Variants in GPCPD1 observed in about 807,000 individuals in gnomAD.
GPCPD1 encodes the protein glycerophosphocholine phosphodiesterase GPCPD1.
Under a neutral mutation model 89.2 loss-of-function variants are expected in GPCPD1, and 29 were observed. The observed-to-expected ratio is 0.33, with a 90% CI of 0.24 to 0.44. The LOEUF (loss-of-function observed/expected upper bound fraction) is 0.44. GPCPD1 is among the 20% of genes least tolerant of loss of function. The pLI is 1.00. For synonymous variants in GPCPD1, 258 were observed against 266.3 expected (o/e 0.97, Z 0.30); for missense variants, 594 against 808.9 (o/e 0.73, Z 3.22).
At position 5,583,606 on chromosome 20, in the gene GPCPD1, A is replaced by G. The variant is rs114331666; in HGVS notation, c.349+675T>C. Among the ~76,000 whole-genome samples, 298 of 152,302 alleles carry G rather than the reference A, an allele frequency of 2.0e-3. 3 individuals are homozygous for G. The highest frequency in any genetic ancestry group is 6.8e-3 in the African/African-American group (282 of 41,552). On this transcript the variant is annotated intron_variant, in intron 6 of 19. Transcript: ENST00000379019. ...TATTTACTAAAACAGAAAGTACACA[A>G]ATAACATTTTCAACATATTCAGAAG...
chr20:5,547,650 T>C lies in GPCPD1; in HGVS notation c.*11A>G, dbSNP rs1367739641. The stretch of plus-strand genomic sequence containing the variant: ...GTGCACGCCCCCAAAATGACCTCTG[T>C]GCAATAAAAACTAAGCATTCTCCAC... On this transcript the variant is annotated 3_prime_UTR_variant, in exon 20 of 20. Transcript: ENST00000379019. 1.1e-5 allele frequency: 17 copies of C among 1,516,114 alleles called. No individual in the cohort carries two copies. The highest frequency in any genetic ancestry group is 1.6e-5 in the Non-Finnish European group (17 of 1,096,092). 93.9% of individuals were successfully genotyped at this position (1,516,114 alleles called of 1,614,324 possible). A position where few individuals can be genotyped will look rare whatever the true frequency, so the allele number is the denominator to read the frequency against.
chr20:5,554,440 G>A (rs771268286), intron 19 of GPCPD1, among the ~76,000 whole-genome samples: 11 of 152,154 alleles, frequency 7.2e-5, no homozygotes, highest in African/African-American at 2.7e-4. Flanking sequence ...ATGAGTTTAA[G>A]TTGAAGCCAA....
chr20:5,590,368 C>T (rs1365276853), intron 4 of GPCPD1, among the ~76,000 whole-genome samples: 1 of 151,662 alleles, frequency 6.6e-6, no homozygotes, highest in Admixed American at 6.6e-5. Context: ...CGGCAAAACC[C>T]TGTCTCTACT....
Position 5,580,033 on chromosome 20 carries a change from T to G in GPCPD1, c.448A>C (p.Lys150Gln). 6.5e-7 allele frequency: 1 copy of G among 1,535,484 alleles called. No homozygotes were observed. The highest frequency in any genetic ancestry group is 1.1e-5 in the South Asian group (1 of 88,100). Residue 150 changes from lysine to glutamine, a missense_variant, in exon 7 of 20, where the codon AAA becomes CAA. Transcript: ENST00000379019. ...CTAAATCTAGATTTTTTTAATTTTT[T>G]CTTGGTTATTGACACAGGAGGTTTT... ...SEKPPVSITK[K>Q]KLKKSRFRVK...
At chr20:5,605,448 G>T (rs533359078) in intron 1 of GPCPD1, among the ~76,000 whole-genome samples, 3 of 152,102 alleles carry the variant, frequency 2.0e-5, no homozygotes, top group African/African-American at 7.2e-5. Context: ...TTGAGAATCT[G>T]CTTCTAAGAC....
chr20:5,578,440 T>C lies in GPCPD1; in HGVS notation c.645A>G (p.Thr215=), dbSNP rs1397858858. The change falls in exon 8 of 20, where the codon ACA becomes ACG. Residue 215 remains threonine (T), a synonymous_variant. Transcript: ENST00000379019. ...CGYGLQPDRW[T]EYSIQTMEPD... ...GTTCCATCGTCTGTATGCTGTACTC[T>C]GTCCAACGATCAGGCTGCAAGCCAT... is the stretch of plus-strand genomic sequence containing the variant. 1 of 1,614,124 alleles carries C rather than the reference T, an allele frequency of 6.2e-7. No individual in the cohort carries two copies. The highest frequency in any genetic ancestry group is 8.5e-7 in the Non-Finnish European group (1 of 1,179,910).
At chr20:5,601,595 C>T (rs977775819) in intron 2 of GPCPD1, among the ~76,000 whole-genome samples, 2 of 152,022 alleles carry the variant, frequency 1.3e-5, no homozygotes, top group Non-Finnish European at 2.9e-5. Flanking sequence ...TCTCAAACTC[C>T]TGACCTCAGA....
At position 5,594,568 on chromosome 20, in the gene GPCPD1, A is replaced by C. The variant is rs925278160; in HGVS notation, c.147-1157T>G. On this transcript the variant is annotated intron_variant, in intron 3 of 19. Transcript: ENST00000379019. ...CGGCCTCCCAAAGTGCTGGGATTAC[A>C]GGCATGAGCCACCAGGCCCGGCCGC... Among the ~76,000 whole-genome samples the C allele has an allele frequency of 2.6e-5, 4 of 151,968 alleles. No individual in the cohort carries two copies. In the East Asian group the frequency reaches 7.8e-4, roughly 30 times the overall value.
chr20:5,550,254 G>A (rs1985313418), intron 19 of GPCPD1, among the ~76,000 whole-genome samples: 1 of 102,262 alleles, frequency 9.8e-6, no homozygotes, highest in South Asian at 3.4e-4. Context: ...TGAGTAGAAA[G>A]TAAGATTGAG....
intron 16 of GPCPD1, 60 bp downstream of exon 16, chr20:5,561,405 G>T: frequency 1.1e-6 from 1 of 898,588 alleles, no homozygotes. Flanking sequence ...AGACAGGAAT[G>T]AAAGAATTTT....
intron 2 of GPCPD1, among the ~76,000 whole-genome samples, chr20:5,599,220 A>G (rs1979952692): frequency 6.6e-6 from 1 of 152,184 alleles, no homozygotes; most frequent in African/African-American, 2.4e-5. Context: ...ATTTTCTAGA[A>G]AGTCAAACAG....
rs1255376263 is a variant in GPCPD1, at chr20:5,607,443, T to C, written c.-28-3003A>G. Among the ~76,000 whole-genome samples, 3 of 152,026 alleles carry C rather than the reference T, an allele frequency of 2.0e-5. No individual in the cohort carries two copies. The East Asian group carries it at 5.8e-4, about 29-fold the overall frequency. ...AACTACAAAAATTAGCTGGGCATGATGGCACGTGCCTGTAGTCCCAGCTAC... is the reference window on the plus strand; with the variant it reads ...AACTACAAAAATTAGCTGGGCATGACGGCACGTGCCTGTAGTCCCAGCTAC... On this transcript the variant is annotated intron_variant, in intron 1 of 19. Coordinates refer to ENST00000379019, the MANE Select transcript of GPCPD1 (RefSeq NM_019593.5).
rs1002046989 is a variant in GPCPD1 at position 5,580,754 on chromosome 20, T to C, written c.350-623A>G. Among the ~76,000 whole-genome samples the C allele has an allele frequency of 1.6e-4, 24 of 146,734 alleles. No homozygotes were observed. The East Asian group carries it at 4.6e-3, about 28-fold the overall frequency. On this transcript the variant is annotated intron_variant, in intron 6 of 19. Transcript: ENST00000379019. Reference sequence around the variant, plus strand: ...AAAAAAAAAAAAAAGAAAAAGAAAATAATCCCAAAATAATGAATCATTGTG... The same window carrying C: ...AAAAAAAAAAAAAAGAAAAAGAAAACAATCCCAAAATAATGAATCATTGTG...
chr20:5,559,879 T>C, intron 17 of GPCPD1, 61 bp downstream of exon 17: 1 of 891,098 alleles, frequency 1.1e-6, no homozygotes, highest in East Asian at 2.9e-5. Context: ...ACCTCCAGAC[T>C]GCTGCCTTAA....
intron 11 of GPCPD1, among the ~76,000 whole-genome samples, chr20:5,571,932 G>C (rs760882678): frequency 6.7e-6 from 1 of 150,032 alleles, no homozygotes; most frequent in Non-Finnish European, 1.5e-5. Context: ...ATTTAACAGG[G>C]TCATCACACC....
chr20:5,560,151 G>T, intron 16 of GPCPD1, 75 bp from the exon 17 acceptor site: 2 of 1,057,886 alleles, frequency 1.9e-6, no homozygotes, highest in Non-Finnish European at 2.7e-6. Flanking sequence ...TTTTATTCTG[G>T]CAAGCTATGA....
intron 5 of GPCPD1, 35 bp downstream of exon 5, chr20:5,586,159 C>T (rs1223576693): frequency 1.7e-5 from 17 of 1,010,524 alleles, no homozygotes; most frequent in Middle Eastern, 2.1e-4. Context: ...TAACTTTATG[C>T]ATATGCCTCA....
At position 5,577,085 on chromosome 20, in the gene GPCPD1, G is replaced by T. The variant is rs866558986; in HGVS notation, c.706-1107C>A. Among the ~76,000 whole-genome samples, 80 of 127,588 alleles carry T rather than the reference G, an allele frequency of 6.3e-4. 2 individuals are homozygous for T. Among genetic ancestry groups the T allele is most frequent in the African/African-American group, 2.3e-3 (75 of 33,164 alleles). 83.7% of individuals were successfully genotyped at this position (127,588 alleles called of 152,430 possible). A position where few individuals can be genotyped will look rare whatever the true frequency, so the allele number is the denominator to read the frequency against. On this transcript the variant is annotated intron_variant, in intron 8 of 19. Coordinates refer to ENST00000379019, the MANE Select transcript of GPCPD1 (RefSeq NM_019593.5). ...TTTTTGTTTTTTTTTTTTTTTCTGA[G>T]ATGGAGTCTTGCTCTGTCACTCAGG...
In GPCPD1 at chr20:5,574,173, A is replaced by G. The variant is rs569698729; in HGVS notation, c.1002-204T>C. ...AGCTCTGACAATGATAGATATTTAC[A>G]AGCTGAATACCGACATGGCCAACAC... On this transcript the variant is annotated intron_variant, in intron 10 of 19. Transcript: ENST00000379019. 49 of 567,456 alleles carry G rather than the reference A, an allele frequency of 8.6e-5. No homozygotes were observed. In the East Asian group the frequency reaches 1.4e-3, roughly 17 times the overall value. The allele number at this position is 567,456 out of a possible 1,614,324, so 35.2% of individuals were successfully genotyped here. A position where few individuals can be genotyped will look rare whatever the true frequency, so the allele number is the denominator to read the frequency against.
Sources: allele counts gnomAD v4.1 joint callset (sites outside exome capture counted in the v4.1 genomes callset), GRCh38; gene constraint gnomAD v4.1.1; transcripts MANE v1.5; gene names NCBI Gene and HGNC (gene_info 2026-07-23, HGNC 2026-07-21).